MKI67: variants seen among roughly 807,000 people sequenced by gnomAD.
The protein encoded by MKI67 is proliferation marker protein Ki-67.
MKI67 carries 152 observed loss-of-function variants against 233.5 expected under a neutral mutation model. That is an observed-to-expected ratio of 0.65 (90% confidence interval 0.57 to 0.74). MKI67 has a LOEUF of 0.74. Among genes scored for constraint, MKI67 ranks in the 30% least tolerant of loss-of-function variants. The probability of loss-of-function intolerance (pLI) is 0.00; values close to 1 mark genes in which losing one functional copy is unlikely to be tolerated. For synonymous variants in MKI67, 1,465 were observed against 1,418.5 expected (o/e 1.03, Z -0.74); for missense variants, 3,940 against 3,885.2 (o/e 1.01, Z -0.37).
chr10:128,104,268 C>A lies in MKI67; in HGVS notation c.7572G>T (p.Ala2524=). The A allele has an allele frequency of 1.9e-6, 3 of 1,614,042 alleles. No homozygotes were observed. The highest frequency in any genetic ancestry group is 2.5e-6 in the Non-Finnish European group (3 of 1,180,032). The change falls in exon 13 of 15, where the codon GCG becomes GCT. Residue 2524 remains alanine (A), a synonymous_variant. Coordinates refer to ENST00000368654, the MANE Select transcript of MKI67 (RefSeq NM_002417.5). ...GGATCTGCTTTGGAGACTCCTTAAA[C>A]GCTTTGATGCTCTTACTATCTCCTG... ...EPTGDSKSIK[A]FKESPKQILD...
rs1852223388 is a variant in MKI67, at chr10:128,096,868, C to T, written c.*2322G>A. The T allele has an allele frequency of 6.6e-6, 1 of 152,218 alleles. No homozygotes were observed. Among genetic ancestry groups the T allele is most frequent in the Non-Finnish European group, 1.5e-5 (1 of 68,090 alleles). 9.4% of individuals were successfully genotyped at this position (152,218 alleles called of 1,614,324 possible). The stretch of plus-strand genomic sequence containing the variant: ...AATTCCAGGCAAACTAAGAACCTGC[C>T]CCAGCCTGGAGGACAGGCATGGGGG... On this transcript the variant is annotated 3_prime_UTR_variant, in exon 15 of 15. Coordinates refer to ENST00000368654, the MANE Select transcript of MKI67 (RefSeq NM_002417.5).
At position 128,106,161 on chromosome 10, in the gene MKI67, G is replaced by C. The variant is rs1487810476; in HGVS notation, c.5679C>G (p.Phe1893Leu). The change falls in exon 13 of 15, where the codon TTC becomes TTG. Residue 1893 changes from phenylalanine (F) to leucine (L), a missense_variant. Transcript: ENST00000368654. ...TGCCTGCTGATGGTGTTAGTTTCCTGAATGCTAAAAATTCTTCCTCTACGT... is the reference window on the plus strand; with the variant it reads ...TGCCTGCTGATGGTGTTAGTTTCCTCAATGCTAAAAATTCTTCCTCTACGT... ...KADVEEEFLA[F>L]RKLTPSAGKA... 1 of 1,612,192 alleles carries C rather than the reference G, an allele frequency of 6.2e-7. No homozygotes were observed. Among genetic ancestry groups the C allele is most frequent in the Admixed American group, 1.7e-5 (1 of 59,832 alleles).
intron 4 of MKI67, among the ~76,000 whole-genome samples, chr10:128,121,795 CA>C (rs879719522): frequency 2.1e-4 from 31 of 150,932 alleles, no homozygotes; most frequent in Non-Finnish European, 2.5e-4. Flanking sequence ...ATATATTAAA[CA>C]TTTTTTTTTC....
chr10:128,121,579 A>T (rs10764750), intron 4 of MKI67, among the ~76,000 whole-genome samples: 2 of 126,540 alleles, frequency 1.6e-5, no homozygotes, highest in African/African-American at 3.0e-5. Flanking sequence ...TTATAATTAT[A>T]TATTATATAA....
rs779778647 is a variant in MKI67 at position 128,115,251 on chromosome 10, C to T, written c.1157G>A (p.Gly386Asp). Residue 386 changes from glycine to aspartate, a missense_variant, in exon 7 of 15, where the codon GGT (glycine) becomes GAT (aspartate). By Grantham distance (94) the Gly-to-Asp change is moderately conservative. Transcript: ENST00000368654. ...NLGKSEGFKAGDKTLTPRKLS... is the reference protein window; with the variant it reads ...NLGKSEGFKADDKTLTPRKLS... ...CTTCCTGGGAGTAAGAGTTTTATCA[C>T]CAGCCTTGAAGCCTTCACTTTTACC... 9.3e-6 allele frequency: 15 copies of T among 1,614,122 alleles called. No individual in the cohort carries two copies. In the South Asian group the frequency reaches 1.6e-4, roughly 18 times the overall value.
intron 11 of MKI67, 103 bp from the exon 12 acceptor site, chr10:128,110,636 G>A: frequency 5.0e-6 from 4 of 803,116 alleles, no homozygotes; most frequent in Non-Finnish European, 7.5e-6. Flanking sequence ...AATAACAGTA[G>A]ATTCCTCCCT....
rs61729196 is a variant in MKI67 at position 128,108,664 on chromosome 10, G to T, written c.3176C>A (p.Ala1059Glu). ...GETTHTHREP[A>E]GDGKSIRTFK... ...CGTTCTGATGCTCTTGCCATCTCCT[G>T]CTGGCTCTCTGTGCGTGTGCGTGGT... Residue 1059 changes from alanine (A) to glutamate (E), a missense_variant, in exon 13 of 15, where the codon GCA becomes GAA. Transcript: ENST00000368654. The T allele has an allele frequency of 2.3e-4, 369 of 1,614,038 alleles. No individual in the cohort carries two copies. The highest frequency in any genetic ancestry group is 2.9e-4 in the Non-Finnish European group (337 of 1,180,032).
chr10:128,107,224 T>G lies in MKI67; in HGVS notation c.4616A>C (p.His1539Pro). 1 of 1,614,208 alleles carries G rather than the reference T, an allele frequency of 6.2e-7. No individual in the cohort carries two copies. Among genetic ancestry groups the G allele is most frequent in the Non-Finnish European group, 8.5e-7 (1 of 1,180,034 alleles). ...ACCACTTACTGCTGGTTTGGGTGTGTGCATGGCTTTGCCTGCTGATGGTGT... is the reference window on the plus strand; with the variant it reads ...ACCACTTACTGCTGGTTTGGGTGTGGGCATGGCTTTGCCTGCTGATGGTGT... ...KRTPSAGKAM[H>P]TPKPAVSGEK... is the part of the protein sequence containing the mutation. Residue 1539 changes from histidine (H) to proline (P), a missense_variant, in exon 13 of 15, where the codon CAC becomes CCC. By Grantham distance (77) the His-to-Pro change is moderately conservative (BLOSUM62 -2). Coordinates refer to ENST00000368654, the MANE Select transcript of MKI67 (RefSeq NM_002417.5).
intron 8 of MKI67, among the ~76,000 whole-genome samples, chr10:128,112,684 C>T (rs977491372): frequency 3.9e-5 from 6 of 152,162 alleles, no homozygotes; most frequent in Admixed American, 3.9e-4. Context: ...GTGGAAGGAA[C>T]ATCCTGATCA....
In MKI67 at chr10:128,106,088, T is replaced by C; in HGVS notation, c.5752A>G (p.Asn1918Asp). The part of the protein sequence containing the change: ...KAAVGEEKDI[N>D]TFVGTPVEKL... ...TCCACTGGAGTCCCCACAAATGTGT[T>C]GATGTCTTTCTCTTCACCTACTGCT... is the stretch of plus-strand genomic sequence containing the variant. Residue 1918 changes from asparagine to aspartate, a missense_variant, in exon 13 of 15, where the codon AAC becomes GAC. Asn to Asp is a conservative substitution (Grantham distance 23, BLOSUM62 1). Transcript: ENST00000368654. 6.2e-7 allele frequency: 1 copy of C among 1,613,922 alleles called. No homozygotes were observed. The highest frequency in any genetic ancestry group is 2.2e-5 in the East Asian group (1 of 44,870).
At position 128,107,409 on chromosome 10, in the gene MKI67, T is replaced by C. The variant is rs1852531250; in HGVS notation, c.4431A>G (p.Pro1477=). The C allele has an allele frequency of 6.2e-7, 1 of 1,614,004 alleles. No individual in the cohort carries two copies. The highest frequency in any genetic ancestry group is 1.3e-5 in the African/African-American group (1 of 74,986). The change falls in exon 13 of 15, where the codon CCA becomes CCG. Residue 1477 remains proline, a synonymous_variant. Transcript: ENST00000368654. Reference sequence around the variant, plus strand: ...GAGTCGTGGGCTTGTCAGTGCATACTGGTGTCTGGAAGAGCTCTTTCAAGC... The same window carrying C: ...GAGTCGTGGGCTTGTCAGTGCATACCGGTGTCTGGAAGAGCTCTTTCAAGC... ...LAGLKELFQT[P]VCTDKPTTHE...
intron 8 of MKI67, 74 bp from the exon 9 acceptor site, chr10:128,112,519 T>C (rs1482442123): frequency 2.2e-6 from 3 of 1,386,392 alleles, no homozygotes; most frequent in South Asian, 2.6e-5. Flanking sequence ...TAAAAACCTA[T>C]TCAGTTAAGA....
rs1853033571 is a variant in MKI67, at chr10:128,125,395, TC to T, written c.92+180del. 6.6e-6 allele frequency among the ~76,000 whole-genome samples: 1 copy of T among 152,132 alleles called. No homozygotes were observed. Among genetic ancestry groups the T allele is most frequent in the Non-Finnish European group, 1.5e-5 (1 of 68,032 alleles). On this transcript the variant is annotated intron_variant, in intron 2 of 14. Transcript: ENST00000368654. This position sits in a 1 kb window ranked among gnomAD's most constrained non-coding sequence, Gnocchi z 5.3. ...AACCACTTAAACATACAAACTAGCA[TC>T]AAATTTATACTTACAAAACAAAAAA...
intron 2 of MKI67, among the ~76,000 whole-genome samples, chr10:128,123,765 T>C (rs1038024672): frequency 1.3e-5 from 2 of 152,176 alleles, no homozygotes; most frequent in African/African-American, 4.8e-5. Flanking sequence ...TACTGACAGA[T>C]TCAAGTCTCT....
intron 5 of MKI67, among the ~76,000 whole-genome samples, chr10:128,116,893 C>T (rs183240409): frequency 6.6e-6 from 1 of 152,210 alleles, no homozygotes; most frequent in East Asian, 1.9e-4. Context: ...GGCAATAAAG[C>T]GAGACTCTGT....
rs1304507873 is a variant in MKI67 at position 128,119,284 on chromosome 10, G to A, written c.323C>T (p.Ser108Leu). 1.9e-6 allele frequency: 3 copies of A among 1,608,952 alleles called. No homozygotes were observed. Among genetic ancestry groups the A allele is most frequent in the Non-Finnish European group, 2.6e-6 (3 of 1,175,862 alleles). Residue 108 changes from serine (S) to leucine (L), a missense_variant, in exon 5 of 15, where the codon TCA becomes TTA. Physicochemically the swap from Ser to Leu is moderately radical, Grantham distance 145. Transcript: ENST00000368654. ...ENESLQNGRK[S>L]TEFPRKIREQ... is the part of the protein sequence containing the mutation. Reference sequence around the variant, plus strand: ...ACGTATTTTTCTTGGAAATTCAGTTGACTTCCTTCCATTCTGAAGACTTTC... The same window carrying A: ...ACGTATTTTTCTTGGAAATTCAGTTAACTTCCTTCCATTCTGAAGACTTTC...
In MKI67 at chr10:128,115,254, G is replaced by A. The variant is rs1590313419; in HGVS notation, c.1154C>T (p.Ala385Val). The change falls in exon 7 of 15, where the codon GCT (alanine) becomes GTT (valine). Residue 385 changes from alanine (A) to valine (V), a missense_variant. By Grantham distance (64) the Ala-to-Val change is moderately conservative. Coordinates refer to ENST00000368654, the MANE Select transcript of MKI67 (RefSeq NM_002417.5). Reference protein sequence around the residue: ...VNLGKSEGFKAGDKTLTPRKL... With the variant: ...VNLGKSEGFKVGDKTLTPRKL... ...CCTGGGAGTAAGAGTTTTATCACCAGCCTTGAAGCCTTCACTTTTACCCAG... is the reference window on the plus strand; with the variant it reads ...CCTGGGAGTAAGAGTTTTATCACCAACCTTGAAGCCTTCACTTTTACCCAG... 1 of 1,614,194 alleles carries A rather than the reference G, an allele frequency of 6.2e-7. No individual in the cohort carries two copies. The highest frequency in any genetic ancestry group is 2.2e-5 in the East Asian group (1 of 44,884).
In MKI67 at chr10:128,106,214, G is replaced by A. The variant is rs74442493; in HGVS notation, c.5626C>T (p.Arg1876Trp). The A allele has an allele frequency of 2.0e-4, 320 of 1,613,820 alleles. No individual in the cohort carries two copies. Among genetic ancestry groups the A allele is most frequent in the Non-Finnish European group, 2.4e-4 (285 of 1,179,986 alleles). Residue 1876 changes from arginine to tryptophan, a missense_variant, in exon 13 of 15, where the codon CGG (arginine) becomes TGG (tryptophan). Physicochemically the swap from Arg to Trp is moderately radical, Grantham distance 101. Coordinates refer to ENST00000368654, the MANE Select transcript of MKI67 (RefSeq NM_002417.5). ...PADTPTNTKQ[R>W]PKRSLKKADV... ...GCTTTCTTGAGGCTTCTCTTGGGCC[G>A]TTGCTTTGTGTTTGTTGGGGTGTCC...
chr10:128,103,644 T>C lies in MKI67; in HGVS notation c.8196A>G (p.Gln2732=), dbSNP rs773595642. The C allele has an allele frequency of 5.6e-5, 90 of 1,614,080 alleles. No individual in the cohort carries two copies. The highest frequency in any genetic ancestry group is 1.5e-5 in the Non-Finnish European group (18 of 1,180,044). The change falls in exon 13 of 15, where the codon CAA becomes CAG. Residue 2732 remains glutamine (Q), a synonymous_variant. Coordinates refer to ENST00000368654, the MANE Select transcript of MKI67 (RefSeq NM_002417.5). ...TGACTGCTGAAGGCTCTTCTTTTAC[T>C]TGTACCTTCTGCACACGTGTCCTGA... ...RHLRTRVQKV[Q]VKEEPSAVKF... is the part of the protein sequence containing the mutation.
Sources: gnomAD v4.1 joint callset for allele counts (sites outside exome capture counted in the v4.1 genomes callset) on GRCh38, gnomAD v4.1.1 for gene constraint, Gnocchi (gnomAD v3.1) non-coding constraint, MANE v1.5 for transcripts, NCBI Gene and HGNC (gene_info 2026-07-23, HGNC 2026-07-21) for gene names.